Variants in NBAS observed in about 807,000 individuals in gnomAD.
NBAS encodes the protein NAG/BC035112 fusion.
In NBAS, 219 loss-of-function variants were observed where a neutral mutation model predicts 302.5. The ratio of observed to expected loss-of-function variants is 0.72; its 90% confidence interval spans 0.65 to 0.81. The LOEUF is 0.81. Ranked by LOEUF, NBAS falls within the 30% of genes least tolerant of loss-of-function variation. The pLI is 0.00. For missense variants in NBAS, 2,932 were observed against 2,841.6 expected, an observed-to-expected ratio of 1.03 and a Z score of -0.72; for synonymous variants, 1,118 against 1,021.6, an observed-to-expected ratio of 1.09 and a Z score of -1.80.
At chr2:15,504,618 A>G (rs1256338094) in intron 10 of NBAS, among the ~76,000 whole-genome samples, 1 of 152,182 alleles carries the variant, frequency 6.6e-6, no homozygotes, top group Non-Finnish European at 1.5e-5. Context: ...ACCAAAAAAG[A>G]CTTCATCATT....
At chr2:15,157,444 G>A in the NBAS span, among the ~76,000 whole-genome samples, 1 of 152,218 alleles carries the variant, frequency 6.6e-6, no homozygotes, top group Non-Finnish European at 1.5e-5. Context: ...CGCTTAGCTG[G>A]GCAACTTCCA....
chr2:14,884,508 A>G, the NBAS span, among the ~76,000 whole-genome samples: 1 of 152,204 alleles, frequency 6.6e-6, no homozygotes, highest in Non-Finnish European at 1.5e-5. Flanking sequence ...AAAAGGTTGC[A>G]AACTCTGTTC....
At chr2:15,160,592 AG>A in the NBAS span, among the ~76,000 whole-genome samples, 9,963 of 56,420 alleles carry the variant, frequency 0.18, 737 homozygotes, top group East Asian at 0.43. Flanking sequence ...GGGCGGGGGG[AG>A]GGGGGGGGGC....
chr2:15,014,247 A>G, the NBAS span, among the ~76,000 whole-genome samples: 1 of 152,160 alleles, frequency 6.6e-6, no homozygotes, highest in Non-Finnish European at 1.5e-5. Context: ...CTGGACAGAA[A>G]ATCAACAAAG....
the NBAS span, among the ~76,000 whole-genome samples, chr2:15,034,017 A>AG: frequency 2.2e-3 from 105 of 48,678 alleles, 3 homozygotes; most frequent in Middle Eastern, 0.02. Flanking sequence ...AAGAAGAAGA[A>AG]GAAGAAGAAG....
At chr2:14,818,929 C>G in the NBAS span, among the ~76,000 whole-genome samples, 1 of 152,188 alleles carries the variant, frequency 6.6e-6, no homozygotes, top group Non-Finnish European at 1.5e-5. Context: ...TTTCCTACTA[C>G]CCTTTTTTAC....
At chr2:15,050,371 C>A in the NBAS span, among the ~76,000 whole-genome samples, 6 of 151,540 alleles carry the variant, frequency 4.0e-5, no homozygotes, top group Admixed American at 2.6e-4. Flanking sequence ...TATCCAAAAC[C>A]CTTGTGGCTT....
At chr2:15,383,952 G>T (rs1675166571) in intron 28 of NBAS, among the ~76,000 whole-genome samples, 1 of 152,198 alleles carries the variant, frequency 6.6e-6, no homozygotes, top group African/African-American at 2.4e-5. Context: ...CAGAGCCTCA[G>T]AGAGTAGTCG....
chr2:15,309,221 A>G lies in NBAS; in HGVS notation c.4609T>C (p.Leu1537=). 1 of 1,612,440 alleles carries G rather than the reference A, an allele frequency of 6.2e-7. No individual in the cohort carries two copies. The highest frequency in any genetic ancestry group is 1.1e-5 in the South Asian group (1 of 91,032). ...EVLLQLASEA[L]PNDMTLALAY... ...AGAGCCAAGGTCATGTCATTTGGCA[A>G]GGCTTCACTTGCTAGTTGCAAGAGA... Residue 1537 remains leucine, a synonymous_variant, in exon 39 of 52, where the codon TTG becomes CTG. Transcript: ENST00000281513.
chr2:14,860,997 ATAAAT>A, the NBAS span, among the ~76,000 whole-genome samples: 2 of 152,240 alleles, frequency 1.3e-5, no homozygotes, highest in Admixed American at 6.5e-5. Context: ...ATTTTAAAAA[ATAAAT>A]TAAAATTTCA....
the NBAS span, among the ~76,000 whole-genome samples, chr2:14,972,065 T>C: frequency 6.6e-6 from 1 of 151,986 alleles, no homozygotes; most frequent in South Asian, 2.1e-4. Context: ...AAAAAAAATG[T>C]CAATCCTGAA....
the NBAS span, among the ~76,000 whole-genome samples, chr2:15,125,152 C>T: frequency 6.6e-6 from 1 of 152,190 alleles, no homozygotes; most frequent in Non-Finnish European, 1.5e-5. Flanking sequence ...CACCCAAGGC[C>T]TTGGGAGCCC....
chr2:15,518,689 C>A lies in NBAS; in HGVS notation c.747-7339G>T, dbSNP rs576712921. 1.1e-3 allele frequency among the ~76,000 whole-genome samples: 164 copies of A among 152,170 alleles called. 2 individuals are homozygous for A. The highest frequency in any genetic ancestry group is 1.3e-3 in the Non-Finnish European group (88 of 68,008). Reference sequence around the variant, plus strand: ...TAATCTTTGTATTAGTCCATTTTCACGCTGCTGATAAAGACATGCCCGAGA... The same window carrying A: ...TAATCTTTGTATTAGTCCATTTTCAAGCTGCTGATAAAGACATGCCCGAGA... On this transcript the variant is annotated intron_variant, in intron 9 of 51. Coordinates refer to ENST00000281513, the MANE Select transcript of NBAS (RefSeq NM_015909.4).
At chr2:15,459,092 G>A (rs1195491833) in intron 21 of NBAS, among the ~76,000 whole-genome samples, 2 of 152,188 alleles carry the variant, frequency 1.3e-5, no homozygotes, top group Non-Finnish European at 2.9e-5. Flanking sequence ...ATTGGGTACT[G>A]TGCAGCTCTT....
the NBAS span, among the ~76,000 whole-genome samples, chr2:15,115,186 G>GAGTAA: frequency 6.6e-6 from 1 of 152,168 alleles, no homozygotes; most frequent in Non-Finnish European, 1.5e-5. Context: ...ATGAATAAAT[G>GAGTAA]AGTAAATACT....
In NBAS at chr2:15,461,721, T is replaced by G. The variant is rs1444795397; in HGVS notation, c.2168A>C (p.Gln723Pro). The G allele has an allele frequency of 6.2e-7, 1 of 1,606,996 alleles. No individual in the cohort carries two copies. Among genetic ancestry groups the G allele is most frequent in the Non-Finnish European group, 8.5e-7 (1 of 1,174,714 alleles). Residue 723 changes from glutamine to proline, a missense_variant, in exon 20 of 52, where the codon CAG (glutamine) becomes CCG (proline). Transcript: ENST00000281513. ...DAEFFKKFRN[Q>P]NIVLSARTYA... ...AGTTCTTGCTGAGAGAACAATATTCTGATTTCTGAATTTCTTAAAGAATTC... is the reference window on the plus strand; with the variant it reads ...AGTTCTTGCTGAGAGAACAATATTCGGATTTCTGAATTTCTTAAAGAATTC...
At chr2:15,264,157 G>A (rs374767225) in intron 44 of NBAS, among the ~76,000 whole-genome samples, 1 of 152,188 alleles carries the variant, frequency 6.6e-6, no homozygotes, top group African/African-American at 2.4e-5. Flanking sequence ...CATGAAGTTT[G>A]CCAGAAAGAG....
At chr2:15,114,832 A>T in the NBAS span, among the ~76,000 whole-genome samples, 1 of 152,326 alleles carries the variant, frequency 6.6e-6, no homozygotes, top group East Asian at 1.9e-4. Flanking sequence ...TGTGATACTT[A>T]ACAATAACAT....
rs577208192 is a variant in NBAS at position 15,461,289 on chromosome 2, C to T, written c.2251G>A (p.Asp751Asn). 12 of 1,613,106 alleles carry T rather than the reference C, an allele frequency of 7.4e-6. No individual in the cohort carries two copies. The highest frequency in any genetic ancestry group is 5.5e-5 in the South Asian group (5 of 91,056). Reference sequence around the variant, plus strand: ...ATTGCAAGGCGATGAGGAAGCAGGTCGGAACCATGGTAAGTAAACAGAATT... The same window carrying T: ...ATTGCAAGGCGATGAGGAAGCAGGTTGGAACCATGGTAAGTAAACAGAATT... ...LEILFTYHGS[D>N]LLPHRLAILS... The change falls in exon 21 of 52, where the codon GAC becomes AAC. Residue 751 changes from aspartate (D) to asparagine (N), a missense_variant. Transcript: ENST00000281513.
Sources: allele counts gnomAD v4.1 joint callset (sites outside exome capture counted in the v4.1 genomes callset), GRCh38; gene constraint gnomAD v4.1.1; transcripts MANE v1.5; gene names NCBI Gene and HGNC (gene_info 2026-07-23, HGNC 2026-07-21).